Variants in ALG6 observed in about 807,000 individuals in gnomAD.
ALG6 encodes dolichyl pyrophosphate Man9GlcNAc2 alpha-1,3-glucosyltransferase.
Under a neutral mutation model 66.6 loss-of-function variants are expected in ALG6, and 46 were observed. That is an observed-to-expected ratio of 0.69 (90% CI 0.55 to 0.88). The LOEUF is 0.88. ALG6 is among the 40% of genes least tolerant of loss of function. The pLI, the probability that ALG6 is intolerant of heterozygous loss-of-function variation, is 0.00. For missense variants in ALG6, 505 were observed against 586.8 expected, an observed-to-expected ratio of 0.86 and a Z score of 1.44; for synonymous variants, 185 against 203.7, an observed-to-expected ratio of 0.91 and a Z score of 0.78.
chr1:63,419,517 A>T, intron 12 of ALG6, 77 bp downstream of exon 12: 1 of 1,026,758 alleles, frequency 9.7e-7, no homozygotes, highest in Non-Finnish European at 1.4e-6. Context: ...TATACATTTG[A>T]ATGCAAAACA....
At chr1:63,415,538 T>C (rs1644541607) in intron 10 of ALG6, among the ~76,000 whole-genome samples, 4 of 152,174 alleles carry the variant, frequency 2.6e-5, no homozygotes, top group African/African-American at 9.6e-5. Flanking sequence ...TCATTATGTT[T>C]TCTTATTTTG....
At chr1:63,417,508 G>A (rs1644551355) in intron 11 of ALG6, among the ~76,000 whole-genome samples, 1 of 152,062 alleles carries the variant, frequency 6.6e-6, no homozygotes, top group African/African-American at 2.4e-5. Flanking sequence ...ACTTCTGAGA[G>A]TTTTAAGAAC....
chr1:63,391,232 A>G (rs1047328325), intron 2 of ALG6, among the ~76,000 whole-genome samples: 1 of 152,228 alleles, frequency 6.6e-6, no homozygotes, highest in Non-Finnish European at 1.5e-5. Context: ...GTGTAACAAA[A>G]GACAGATTAA....
At position 63,438,426 on chromosome 1, in the gene ALG6, A is replaced by G. The variant is rs1451038698; in HGVS notation, c.*1406A>G. On this transcript the variant is annotated 3_prime_UTR_variant, in exon 15 of 15. Coordinates refer to ENST00000263440, the MANE Select transcript of ALG6 (RefSeq NM_013339.4). Reference sequence around the variant, plus strand: ...TTTATTTTTAAAAATATTTTTTGTAATAGTACACTTGTGTTTAACATAGAA... The same window carrying G: ...TTTATTTTTAAAAATATTTTTTGTAGTAGTACACTTGTGTTTAACATAGAA... The G allele has an allele frequency of 6.6e-6, 1 of 152,176 alleles. No homozygotes were observed. The highest frequency in any genetic ancestry group is 1.5e-5 in the Non-Finnish European group (1 of 68,012). 9.4% of individuals were successfully genotyped at this position (152,176 alleles called of 1,614,324 possible).
At chr1:63,386,293 G>A (rs1326910121) in intron 2 of ALG6, among the ~76,000 whole-genome samples, 1 of 151,238 alleles carries the variant, frequency 6.6e-6, no homozygotes, top group Admixed American at 6.6e-5. Flanking sequence ...TTTTTAATAT[G>A]TCTTTCTCTG....
At chr1:63,370,734 C>T in intron 1 of ALG6, 37 bp from the exon 2 acceptor site, 1 of 513,832 alleles carries the variant, frequency 1.9e-6, no homozygotes, top group Non-Finnish European at 3.5e-6. Flanking sequence ...AGGTACTGTA[C>T]TCAGCTGAAT....
At chr1:63,408,128 A>G (rs1644499260) in intron 7 of ALG6, among the ~76,000 whole-genome samples, 1 of 152,166 alleles carries the variant, frequency 6.6e-6, no homozygotes. Context: ...ATAGAACATT[A>G]CTAGTATCCA....
At chr1:63,400,297 G>A (rs1297416700) in intron 3 of ALG6, among the ~76,000 whole-genome samples, 158 of 4,946 alleles carry the variant, frequency 0.032, 25 homozygotes, top group Middle Eastern at 0.12. Flanking sequence ...ATATATATAC[G>A]TATATATATG....
At chr1:63,401,392 A>G (rs1644464295) in intron 3 of ALG6, among the ~76,000 whole-genome samples, 2 of 152,130 alleles carry the variant, frequency 1.3e-5, no homozygotes, top group African/African-American at 4.8e-5. Context: ...TAGGCCGGGC[A>G]TGGTGGCTCA....
intron 2 of ALG6, among the ~76,000 whole-genome samples, chr1:63,372,998 A>G (rs1399231451): frequency 6.6e-6 from 1 of 151,022 alleles, no homozygotes; most frequent in African/African-American, 2.4e-5. Flanking sequence ...ACACATACAT[A>G]TATGTTTTGT....
rs146265933 is a variant in ALG6 at position 63,419,414 on chromosome 1, T to C, written c.1032T>C (p.His344=). 1.8e-5 allele frequency: 29 copies of C among 1,609,568 alleles called. No homozygotes were observed. In the African/African-American group the frequency reaches 3.7e-4, roughly 21 times the overall value. ...LSFFLFSFQV[H]EKSILLVSLP... Reference sequence around the variant, plus strand: ...TCTTTTTATTTTCTTTCCAAGTACATGAAAAATCCATTCTCTTGGTGTCAC... The same window carrying C: ...TCTTTTTATTTTCTTTCCAAGTACACGAAAAATCCATTCTCTTGGTGTCAC... The change falls in exon 12 of 15, where the codon CAT becomes CAC. Residue 344 remains histidine, a synonymous_variant. Coordinates refer to ENST00000263440, the MANE Select transcript of ALG6 (RefSeq NM_013339.4).
chr1:63,436,040 TTC>T (rs1398175264), intron 14 of ALG6, among the ~76,000 whole-genome samples: 1 of 152,228 alleles, frequency 6.6e-6, no homozygotes, highest in East Asian at 1.9e-4. Context: ...GGACCTCATT[TTC>T]TTTCATGTGC....
Position 63,419,352 on chromosome 1 carries a change from C to T in ALG6, c.988-18C>T, listed in dbSNP as rs765588127. Reference sequence around the variant, plus strand: ...TCACAAGTTGTTATATCTCATTTCCCCCCCTTTTTTCTTAAAGGTTAGCTG... The same window carrying T: ...TCACAAGTTGTTATATCTCATTTCCTCCCCTTTTTTCTTAAAGGTTAGCTG... On this transcript the variant is annotated intron_variant, in intron 11 of 14. Coordinates refer to ENST00000263440, the MANE Select transcript of ALG6 (RefSeq NM_013339.4). 5 of 1,591,670 alleles carry T rather than the reference C, an allele frequency of 3.1e-6. No individual in the cohort carries two copies. The highest frequency in any genetic ancestry group is 1.7e-5 in the Admixed American group (1 of 59,556).
chr1:63,421,799 C>T (rs1053117264), intron 12 of ALG6, among the ~76,000 whole-genome samples: 4 of 151,252 alleles, frequency 2.6e-5, no homozygotes, highest in African/African-American at 9.7e-5. Context: ...CACGTGTTCT[C>T]ACTCATAAGT....
At chr1:63,420,853 T>A (rs533132687) in intron 12 of ALG6, among the ~76,000 whole-genome samples, 100 of 139,770 alleles carry the variant, frequency 7.2e-4, no homozygotes, top group African/African-American at 2.7e-3. Context: ...AGACTGAGAC[T>A]CTGTCTCAAA....
At chr1:63,413,504 G>C (rs879136146) in intron 9 of ALG6, among the ~76,000 whole-genome samples, 1 of 152,198 alleles carries the variant, frequency 6.6e-6, no homozygotes, top group Admixed American at 6.5e-5. Flanking sequence ...CTGCACAGCT[G>C]TAAGTCAAGC....
intron 2 of ALG6, among the ~76,000 whole-genome samples, chr1:63,395,225 G>A (rs1289272469): frequency 2.0e-5 from 3 of 152,116 alleles, no homozygotes; most frequent in Admixed American, 6.5e-5. Context: ...TCAAGTGTTA[G>A]TTATTACAAA....
intron 4 of ALG6, among the ~76,000 whole-genome samples, chr1:63,403,948 T>TA (rs1361816384): frequency 6.6e-6 from 1 of 152,200 alleles, no homozygotes; most frequent in Non-Finnish European, 1.5e-5. Context: ...GGATTGAAAA[T>TA]AAACTCCCAA....
chr1:63,371,029 C>T lies in ALG6; in HGVS notation c.52C>T (p.Arg18Ter), dbSNP rs755933716. 5.6e-6 allele frequency: 9 copies of T among 1,609,416 alleles called. No homozygotes were observed. The highest frequency in any genetic ancestry group is 3.3e-5 in the Admixed American group (2 of 59,940). Residue 18 changes from arginine to a stop codon, truncating the protein, a stop_gained, in exon 2 of 15, where the codon CGA becomes TGA. Coordinates refer to ENST00000263440, the MANE Select transcript of ALG6 (RefSeq NM_013339.4). LOFTEE classifies it high-confidence loss of function. ...AGTGGTTTTAATAGGACTAACAGTA[C>T]GATGGACAGTGTCTCTTAATTCTTA... ...TVVVLIGLTVRWTVSLNSYSG... is the reference protein window; with the variant it reads ...TVVVLIGLTV
Sources: allele counts gnomAD v4.1 joint callset (sites outside exome capture counted in the v4.1 genomes callset), GRCh38; gene constraint gnomAD v4.1.1; transcripts MANE v1.5; gene names NCBI Gene and HGNC (gene_info 2026-07-23, HGNC 2026-07-21).